DNAJB9: variants seen among roughly 807,000 people sequenced by gnomAD.
DNAJB9 encodes the protein DnaJ heat shock protein family (Hsp40) member B9.
In DNAJB9, 12 loss-of-function variants were observed where a neutral mutation model predicts 19.2. The ratio of observed to expected loss-of-function variants is 0.62; its 90% CI spans 0.40 to 1.01. DNAJB9 has a LOEUF of 1.01. Among genes scored for constraint, DNAJB9 ranks in the 50% least tolerant of loss-of-function variants. The pLI is 0.00. For missense variants in DNAJB9, 272 were observed against 261.1 expected (o/e 1.04, Z -0.29); for synonymous variants, 83 against 84.0 (o/e 0.99, Z 0.07).
chr7:108,573,218 T>G lies in DNAJB9; in HGVS notation c.537T>G (p.Phe179Leu), dbSNP rs1266517617. The G allele has an allele frequency of 4.3e-6, 7 of 1,613,948 alleles. No homozygotes were observed. The highest frequency in any genetic ancestry group is 2.2e-5 in the East Asian group (1 of 44,876). The change falls in exon 3 of 3, where the codon TTT becomes TTG. Residue 179 changes from phenylalanine (F) to leucine (L), a missense_variant. Coordinates refer to ENST00000249356, the MANE Select transcript of DNAJB9 (RefSeq NM_012328.3). Reference protein sequence around the residue: ...MFEDMEKMFSFSGFDSTNQHT... With the variant: ...MFEDMEKMFSLSGFDSTNQHT... ...AAGATATGGAGAAAATGTTTTCTTTTAGTGGTTTTGACTCTACCAATCAGC... is the reference window on the plus strand; with the variant it reads ...AAGATATGGAGAAAATGTTTTCTTTGAGTGGTTTTGACTCTACCAATCAGC...
At position 108,571,639 on chromosome 7, in the gene DNAJB9, T is replaced by G. The variant is rs1165326864; in HGVS notation, c.-10-78T>G. On this transcript the variant is annotated intron_variant, in intron 1 of 2. Coordinates refer to ENST00000249356, the MANE Select transcript of DNAJB9 (RefSeq NM_012328.3). Reference sequence around the variant, plus strand: ...TTTTGATACTGCATTAGGTTTACCTTGTGTTGGATTTCTTTTAAAAGAAAA... The same window carrying G: ...TTTTGATACTGCATTAGGTTTACCTGGTGTTGGATTTCTTTTAAAAGAAAA... 1.1e-5 allele frequency: 13 copies of G among 1,169,852 alleles called. No individual in the cohort carries two copies. The East Asian group carries it at 2.9e-4, about 26-fold the overall frequency. 72.5% of individuals were successfully genotyped at this position (1,169,852 alleles called of 1,614,324 possible). A position where few individuals can be genotyped will look rare whatever the true frequency, so the allele number is the denominator to read the frequency against.
chr7:108,571,976 G>A, intron 2 of DNAJB9, 33 bp downstream of exon 2: 2 of 1,592,486 alleles, frequency 1.3e-6, no homozygotes, highest in South Asian at 1.1e-5. Flanking sequence ...AGTGTCATGG[G>A]TATTAACTAG....
At chr7:108,570,218 T>C (rs1044552770) in intron 1 of DNAJB9, 115 bp downstream of exon 1, 3 of 152,280 alleles carry the variant, frequency 2.0e-5, no homozygotes, top group Non-Finnish European at 4.4e-5. Flanking sequence ...GCAGGGACAA[T>C]GGGCTGCATG....
chr7:108,573,132 A>G lies in DNAJB9; in HGVS notation c.451A>G (p.Arg151Gly), dbSNP rs775355589. 1.2e-6 allele frequency: 2 copies of G among 1,614,116 alleles called. No homozygotes were observed. The highest frequency in any genetic ancestry group is 1.7e-6 in the Non-Finnish European group (2 of 1,179,946). The change falls in exon 3 of 3, where the codon AGA becomes GGA. Residue 151 changes from arginine (R) to glycine (G), a missense_variant. Arg to Gly is a moderately radical substitution (Grantham distance 125). Coordinates refer to ENST00000249356, the MANE Select transcript of DNAJB9 (RefSeq NM_012328.3). ...FQTRQDGGSS[R>G]QRHHFQEFSF... ...GACACGCCAGGATGGTGGTTCCAGTAGACAAAGGCATCATTTCCAAGAATT... is the reference window on the plus strand; with the variant it reads ...GACACGCCAGGATGGTGGTTCCAGTGGACAAAGGCATCATTTCCAAGAATT...
intron 1 of DNAJB9, among the ~76,000 whole-genome samples, chr7:108,570,848 G>A (rs761738805): frequency 6.6e-6 from 1 of 152,052 alleles, no homozygotes; most frequent in African/African-American, 2.4e-5. Context: ...TGGTGGTCCC[G>A]TATTCAAAAA....
At chr7:108,572,655 T>C (rs1232535978) in intron 2 of DNAJB9, among the ~76,000 whole-genome samples, 1 of 152,192 alleles carries the variant, frequency 6.6e-6, no homozygotes, top group Non-Finnish European at 1.5e-5. Flanking sequence ...TTAATAACTT[T>C]ATTGAGTATT....
At chr7:108,571,605 T>G in intron 1 of DNAJB9, 112 bp from the exon 2 acceptor site, 1 of 798,218 alleles carries the variant, frequency 1.3e-6, no homozygotes, top group Non-Finnish European at 2.0e-6. Flanking sequence ...AGATACTGTA[T>G]GCTTACTATT....
intron 1 of DNAJB9, among the ~76,000 whole-genome samples, chr7:108,570,702 ACT>A (rs758756780): frequency 6.6e-6 from 1 of 152,058 alleles, no homozygotes; most frequent in East Asian, 1.9e-4. Context: ...ACTACGAGTA[ACT>A]CTCTGGAAAT....
At position 108,573,080 on chromosome 7, in the gene DNAJB9, C is replaced by T. The variant is rs559872825; in HGVS notation, c.399C>T (p.Ser133=). The change falls in exon 3 of 3, where the codon TCC becomes TCT. Residue 133 remains serine (S), a synonymous_variant. Coordinates refer to ENST00000249356, the MANE Select transcript of DNAJB9 (RefSeq NM_012328.3). ...TTGGTCAAAACCAAAACACTGGATC[C>T]AAGAAGCGTTTTGAAAATCATTTCC... The part of the protein sequence containing the change: ...GFFGQNQNTG[S]KKRFENHFQT... 2 of 1,614,020 alleles carry T rather than the reference C, an allele frequency of 1.2e-6. No homozygotes were observed. Among genetic ancestry groups the T allele is most frequent in the Admixed American group, 3.3e-5 (2 of 60,000 alleles).
chr7:108,570,413 C>G (rs1390906960), intron 1 of DNAJB9, among the ~76,000 whole-genome samples: 1 of 152,034 alleles, frequency 6.6e-6, no homozygotes, highest in African/African-American at 2.4e-5. Flanking sequence ...CTAGCCCAGC[C>G]GCCCACCGAG....
Position 108,571,853 on chromosome 7 carries a change from A to C in DNAJB9, c.127A>C (p.Lys43Gln). 1 of 1,614,216 alleles carries C rather than the reference A, an allele frequency of 6.2e-7. No individual in the cohort carries two copies. The highest frequency in any genetic ancestry group is 1.1e-5 in the South Asian group (1 of 91,088). The change falls in exon 2 of 3, where the codon AAG becomes CAG. Residue 43 changes from lysine to glutamine, a missense_variant. Transcript: ENST00000249356. The stretch of plus-strand genomic sequence containing the variant: ...AAAATCGGCATCAGAGCGCCAAATC[A>C]AGAAGGCCTTTCACAAGTTGGCCAT... ...VPKSASERQI[K>Q]KAFHKLAMKY...
At chr7:108,570,315 A>T (rs547477920) in intron 1 of DNAJB9, among the ~76,000 whole-genome samples, 1 of 152,054 alleles carries the variant, frequency 6.6e-6, no homozygotes, top group Admixed American at 6.5e-5. Context: ...CGGGCGCCGG[A>T]TTAGAGCCCG....
rs569057429 is a variant in DNAJB9 at position 108,571,849 on chromosome 7, A to G, written c.123A>G (p.Gln41=). ...TGCCAAAATCGGCATCAGAGCGCCA[A>G]ATCAAGAAGGCCTTTCACAAGTTGG... ...LGVPKSASER[Q]IKKAFHKLAM... The change falls in exon 2 of 3, where the codon CAA becomes CAG. Residue 41 remains glutamine (Q), a synonymous_variant. Transcript: ENST00000249356. 8.1e-6 allele frequency: 13 copies of G among 1,614,078 alleles called. No homozygotes were observed. Among genetic ancestry groups the G allele is most frequent in the Middle Eastern group, 1.6e-4 (1 of 6,084 alleles).
chr7:108,572,507 T>G (rs1749118440), intron 2 of DNAJB9, among the ~76,000 whole-genome samples: 1 of 152,168 alleles, frequency 6.6e-6, no homozygotes, highest in Admixed American at 6.5e-5. Flanking sequence ...AGTAAGGAGG[T>G]GCAAAATCTT....
rs112586127 is a variant in DNAJB9 at position 108,571,563 on chromosome 7, A to T, written c.-10-154A>T. Among the ~76,000 whole-genome samples, 370 of 152,294 alleles carry T rather than the reference A, an allele frequency of 2.4e-3. 1 individual carries two copies. The highest frequency in any genetic ancestry group is 8.2e-3 in the African/African-American group (342 of 41,560). On this transcript the variant is annotated intron_variant, in intron 1 of 2. Coordinates refer to ENST00000249356, the MANE Select transcript of DNAJB9 (RefSeq NM_012328.3). ...GTTAAGCCAGTTTGAGAGTTATAAA[A>T]CTAAAAGTGAAATTACATGTGGACA...
chr7:108,571,927 CAG>C lies in DNAJB9; in HGVS notation c.207_208del (p.Glu69AspfsTer6), dbSNP rs1272293795. ...NKSPDAEAKFREIAEAYETLS... is the reference protein window; with the variant it reads ...NKSPDAEAKFXEIAEAYETLS... Reference sequence around the variant, plus strand: ...AGAGCCCGGATGCTGAAGCAAAATTCAGAGAGATTGCAGAAGGTAAATAAATG... The same window carrying C: ...AGAGCCCGGATGCTGAAGCAAAATTCAGAGATTGCAGAAGGTAAATAAATG... On this transcript the variant is annotated frameshift_variant, in exon 2 of 3. Transcript: ENST00000249356. LOFTEE classifies it high-confidence loss of function. 1 of 1,613,942 alleles carries C rather than the reference CAG, an allele frequency of 6.2e-7. No individual in the cohort carries two copies. Among genetic ancestry groups the C allele is most frequent in the Admixed American group, 1.7e-5 (1 of 59,998 alleles).
rs1311171498 is a variant in DNAJB9 at position 108,572,993 on chromosome 7, A to T, written c.312A>T (p.Gly104=). 1.2e-6 allele frequency: 2 copies of T among 1,614,080 alleles called. No individual in the cohort carries two copies. The highest frequency in any genetic ancestry group is 8.5e-7 in the Non-Finnish European group (1 of 1,179,948). The part of the protein sequence containing the change: ...FTSGKGQRGS[G]SSFEQSFNFN... ...GTGGTAAAGGACAAAGAGGTAGTGG[A>T]AGTTCTTTTGAGCAGTCATTTAACT... Residue 104 remains glycine, a synonymous_variant, in exon 3 of 3, where the codon GGA becomes GGT. Coordinates refer to ENST00000249356, the MANE Select transcript of DNAJB9 (RefSeq NM_012328.3).
Position 108,571,713 on chromosome 7 carries a change from T to A in DNAJB9, c.-10-4T>A, listed in dbSNP as rs1247926748. 1 of 1,607,696 alleles carries A rather than the reference T, an allele frequency of 6.2e-7. No individual in the cohort carries two copies. On this transcript the variant is annotated splice_region_variant and splice_polypyrimidine_tract_variant and intron_variant, in intron 1 of 2. Transcript: ENST00000249356. The stretch of plus-strand genomic sequence containing the variant: ...ATAACATTTTTTTTTCTTTTCTGTT[T>A]TAGGATATTAGAAATGGCTACTCCC...
Position 108,571,905 on chromosome 7 carries a change from GC to G in DNAJB9, c.182del (p.Pro61ArgfsTer182). The stretch of plus-strand genomic sequence containing the variant: ...AAGTACCACCCTGACAAAAATAAGA[GC>G]CCGGATGCTGAAGCAAAATTCAGAG... ...AMKYHPDKNK[S>X]PDAEAKFREI... On this transcript the variant is annotated frameshift_variant, in exon 2 of 3. Coordinates refer to ENST00000249356, the MANE Select transcript of DNAJB9 (RefSeq NM_012328.3). LOFTEE classifies it high-confidence loss of function. 1 of 1,614,096 alleles carries G rather than the reference GC, an allele frequency of 6.2e-7. No individual in the cohort carries two copies. Among genetic ancestry groups the G allele is most frequent in the Non-Finnish European group, 8.5e-7 (1 of 1,180,010 alleles).
Sources: gnomAD v4.1 joint callset for allele counts (sites outside exome capture counted in the v4.1 genomes callset) on GRCh38, gnomAD v4.1.1 for gene constraint, MANE v1.5 for transcripts, NCBI Gene and HGNC (gene_info 2026-07-23, HGNC 2026-07-21) for gene names.